DHX29: variants seen among roughly 807,000 people sequenced by gnomAD.
DHX29 encodes ATP-dependent RNA helicase DHX29.
In DHX29, 79 loss-of-function variants were observed where a neutral mutation model predicts 167.9. That is an observed-to-expected ratio of 0.47 (90% CI 0.39 to 0.57). The LOEUF (loss-of-function observed/expected upper bound fraction) is 0.57, where lower values mean the gene tolerates loss of function less well. DHX29 is among the 20% of genes least tolerant of loss of function. The probability of loss-of-function intolerance (pLI) is 0.00; values close to 1 mark genes in which losing one functional copy is unlikely to be tolerated. For synonymous variants in DHX29, 530 were observed against 546.0 expected, an observed-to-expected ratio of 0.97 and a Z score of 0.41; for missense variants, 1,347 against 1,593.4, an observed-to-expected ratio of 0.85 and a Z score of 2.63.
chr5:55,260,538 G>T lies in DHX29; in HGVS notation c.3961-594C>A, dbSNP rs1221813575. Among the ~76,000 whole-genome samples, 3 of 5,556 alleles carry T rather than the reference G, an allele frequency of 5.4e-4. No individual in the cohort carries two copies. In the Admixed American group the frequency reaches 8.1e-3, roughly 15 times the overall value. The allele number at this position is 5,556 out of a possible 152,430, so 3.6% of individuals were successfully genotyped here. ...GAGCCATGGCACCCGGCTTTATTGA[G>T]ATATAAAAATTACCATAAAAATTCA... On this transcript the variant is annotated intron_variant, in intron 25 of 26. Transcript: ENST00000251636.
chr5:55,264,152 A>G (rs904290950), intron 23 of DHX29, among the ~76,000 whole-genome samples: 3 of 152,054 alleles, frequency 2.0e-5, no homozygotes, highest in African/African-American at 4.8e-5. Flanking sequence ...CTTTTATAGC[A>G]TATCGTATTA....
chr5:55,305,322 T>C (rs1320360152), intron 1 of DHX29, among the ~76,000 whole-genome samples: 1 of 152,044 alleles, frequency 6.6e-6, no homozygotes, highest in East Asian at 1.9e-4. Context: ...TAGGGACAGA[T>C]TGCACTCCAT....
chr5:55,298,768 C>G (rs566209675), intron 1 of DHX29, 104 bp from the exon 2 acceptor site: 3 of 512,640 alleles, frequency 5.9e-6, no homozygotes, highest in Non-Finnish European at 1.1e-5. Flanking sequence ...CGGTGGCTCA[C>G]GCCTGTAATC....
At position 55,295,433 on chromosome 5, in the gene DHX29, A is replaced by G; in HGVS notation, c.597T>C (p.Ile199=). Reference sequence around the variant, plus strand: ...TTGTTTTAGGTTGCAATGGAGGTGAAATAGTGGCTTGTATTTGAGGAGACT... The same window carrying G: ...TTGTTTTAGGTTGCAATGGAGGTGAGATAGTGGCTTGTATTTGAGGAGACT... The part of the protein sequence containing the change: ...KFQSPQIQAT[I]SPPLQPKTKT... The change falls in exon 5 of 27, where the codon ATT becomes ATC. Residue 199 remains isoleucine, a synonymous_variant. Coordinates refer to ENST00000251636, the MANE Select transcript of DHX29 (RefSeq NM_019030.4). 1 of 1,613,784 alleles carries G rather than the reference A, an allele frequency of 6.2e-7. No homozygotes were observed. Among genetic ancestry groups the G allele is most frequent in the Non-Finnish European group, 8.5e-7 (1 of 1,179,724 alleles).
At chr5:55,284,385 G>A (rs1747608505) in intron 10 of DHX29, among the ~76,000 whole-genome samples, 1 of 152,188 alleles carries the variant, frequency 6.6e-6, no homozygotes, top group South Asian at 2.1e-4. Flanking sequence ...TAGAATCTAA[G>A]TTATCTCAAT....
intron 7 of DHX29, 110 bp from the exon 8 acceptor site, chr5:55,289,538 C>T (rs1747928953): frequency 2.4e-6 from 2 of 834,086 alleles, no homozygotes; most frequent in Admixed American, 4.0e-5. Flanking sequence ...GGTTTTCATG[C>T]CTTATTTTTT....
chr5:55,284,176 C>T (rs1253220121), intron 10 of DHX29, among the ~76,000 whole-genome samples: 1 of 152,080 alleles, frequency 6.6e-6, no homozygotes, highest in Admixed American at 6.6e-5. Context: ...GTAATTGTAC[C>T]TCCCTTATAG....
intron 25 of DHX29, among the ~76,000 whole-genome samples, chr5:55,260,228 G>C (rs920720943): frequency 2.0e-5 from 3 of 151,954 alleles, no homozygotes; most frequent in East Asian, 1.9e-4. Context: ...TACAGTTTTG[G>C]GGAGGGAAAT....
rs947740245 is a variant in DHX29 at position 55,256,429 on chromosome 5, T to C, written c.*59A>G. 6 of 1,460,198 alleles carry C rather than the reference T, an allele frequency of 4.1e-6. No homozygotes were observed. In the East Asian group the frequency reaches 1.2e-4, roughly 29 times the overall value. 90.5% of individuals were successfully genotyped at this position (1,460,198 alleles called of 1,614,324 possible). A position where few individuals can be genotyped will look rare whatever the true frequency, so the allele number is the denominator to read the frequency against. On this transcript the variant is annotated 3_prime_UTR_variant, in exon 27 of 27. Coordinates refer to ENST00000251636, the MANE Select transcript of DHX29 (RefSeq NM_019030.4). ...CTTAATGTGATGACCCATTTTCAGA[T>C]AATTTCATGACTGTATCTTCATCTT... is the stretch of plus-strand genomic sequence containing the variant.
intron 12 of DHX29, among the ~76,000 whole-genome samples, chr5:55,280,438 T>C (rs1387252836): frequency 2.6e-5 from 4 of 152,182 alleles, no homozygotes; most frequent in Non-Finnish European, 5.9e-5. Context: ...AAATATACTG[T>C]AGCTTAATTT....
In DHX29 at chr5:55,283,421, C is replaced by T. The variant is rs1441359203; in HGVS notation, c.1747G>A (p.Glu583Lys). ...ACTACCCGATGCCTTTTAAGAGTTT[C>T]AACAATTGAGTCCCGATGTTTAAAT... ...PVFKHRDSIV[E>K]TLKRHRVVVV... The change falls in exon 11 of 27, where the codon GAA (glutamate) becomes AAA (lysine). Residue 583 changes from glutamate to lysine, a missense_variant. Around this residue, in one of 3 missense-constraint regions of DHX29, gnomAD observed 882 missense variants for 1,082.4 expected, o/e 0.81. Coordinates refer to ENST00000251636, the MANE Select transcript of DHX29 (RefSeq NM_019030.4). 4 of 1,614,190 alleles carry T rather than the reference C, an allele frequency of 2.5e-6. No individual in the cohort carries two copies. The highest frequency in any genetic ancestry group is 1.1e-5 in the South Asian group (1 of 91,078).
intron 24 of DHX29, among the ~76,000 whole-genome samples, chr5:55,261,973 TGGA>T (rs1746333803): frequency 6.6e-6 from 1 of 152,160 alleles, no homozygotes; most frequent in Non-Finnish European, 1.5e-5. Context: ...AGAAACAAAA[TGGA>T]GGCACTTTTT....
At chr5:55,296,922 A>G (rs1748355457) in intron 3 of DHX29, among the ~76,000 whole-genome samples, 1 of 152,200 alleles carries the variant, frequency 6.6e-6, no homozygotes, top group Non-Finnish European at 1.5e-5. Flanking sequence ...ACCTTAGGGT[A>G]TAATTTATGG....
At chr5:55,296,840 A>G (rs1461446684) in intron 3 of DHX29, among the ~76,000 whole-genome samples, 1 of 152,198 alleles carries the variant, frequency 6.6e-6, no homozygotes, top group African/African-American at 2.4e-5. Flanking sequence ...AAAGCATTTT[A>G]ACATACTTTC....
intron 21 of DHX29, among the ~76,000 whole-genome samples, chr5:55,268,374 C>T (rs1746686198): frequency 6.6e-6 from 1 of 152,158 alleles, no homozygotes; most frequent in African/African-American, 2.4e-5. Flanking sequence ...AAATACCAAA[C>T]AAAGAGAGAC....
rs746319871 is a variant in DHX29, at chr5:55,274,987, T to C, written c.2451A>G (p.Gly817=). 3.7e-6 allele frequency: 6 copies of C among 1,613,788 alleles called. No individual in the cohort carries two copies. Among genetic ancestry groups the C allele is most frequent in the Non-Finnish European group, 5.1e-6 (6 of 1,179,886 alleles). The part of the protein sequence containing the change: ...KYQEYIPVQT[G]AHADLNPFYQ... ...AAAATGGATTTAAATCAGCATGTGC[T>C]CCAGTCTGAACTGGGATGTATTCCT... The change falls in exon 15 of 27, where the codon GGA becomes GGG. Residue 817 remains glycine (G), a synonymous_variant. Transcript: ENST00000251636.
chr5:55,275,779 GTGTC>G (rs771200373), intron 14 of DHX29, among the ~76,000 whole-genome samples: 33 of 151,312 alleles, frequency 2.2e-4, no homozygotes, highest in Middle Eastern at 3.4e-3. Context: ...GTATGTGTGT[GTGTC>G]TGTCTGTCTA....
At chr5:55,269,043 C>A (rs1012614145) in intron 21 of DHX29, among the ~76,000 whole-genome samples, 2 of 151,598 alleles carry the variant, frequency 1.3e-5, no homozygotes, top group Non-Finnish European at 2.9e-5. Context: ...TTAAAAAATT[C>A]TTATCCAACC....
intron 21 of DHX29, 145 bp from the exon 22 acceptor site, chr5:55,267,967 T>A: frequency 1.5e-5 from 6 of 391,988 alleles, no homozygotes; most frequent in Non-Finnish European, 2.6e-5. Context: ...TTATTAGTAT[T>A]ATTATACTAA....
Sources: allele counts gnomAD v4.1 joint callset (sites outside exome capture counted in the v4.1 genomes callset), GRCh38; gene constraint gnomAD v4.1.1; regional missense constraint gnomAD v4.1.1; transcripts MANE v1.5; gene names NCBI Gene and HGNC (gene_info 2026-07-23, HGNC 2026-07-21).